Variants in DDHD1 observed in about 807,000 individuals in gnomAD.
DDHD1 encodes the protein DDHD domain containing 1, also known as phospholipase DDHD1.
In DDHD1, 49 loss-of-function variants were observed where a neutral mutation model predicts 96.4. The observed-to-expected ratio is 0.51, with a 90% CI of 0.40 to 0.64. DDHD1 has a LOEUF of 0.64. Ranked by LOEUF, DDHD1 falls within the 30% of genes least tolerant of loss-of-function variation. DDHD1 has a pLI of 0.00. For synonymous variants in DDHD1, 442 were observed against 446.5 expected, an observed-to-expected ratio of 0.99 and a Z score of 0.13; for missense variants, 1,106 against 1,161.2, an observed-to-expected ratio of 0.95 and a Z score of 0.69.
intron 1 of DDHD1, among the ~76,000 whole-genome samples, chr14:53,134,306 C>A (rs147131576): frequency 3.7e-4 from 56 of 152,298 alleles, no homozygotes; most frequent in Non-Finnish European, 6.9e-4. Context: ...TCTCCTGGTA[C>A]TATCCCCAAT....
intron 7 of DDHD1, among the ~76,000 whole-genome samples, chr14:53,061,583 A>AT (rs916741041): frequency 6.2e-4 from 93 of 149,268 alleles, no homozygotes; most frequent in Non-Finnish European, 1.1e-3. Context: ...ACCTACTTCA[A>AT]TTTTTTTTTT....
chr14:53,060,297 C>T (rs542303528), intron 8 of DDHD1, among the ~76,000 whole-genome samples: 1 of 152,326 alleles, frequency 6.6e-6, no homozygotes, highest in Non-Finnish European at 1.5e-5. Context: ...TCAATGCTGA[C>T]ACCTCTGCCA....
chr14:53,090,064 G>T (rs934104928), intron 4 of DDHD1, among the ~76,000 whole-genome samples: 3 of 152,154 alleles, frequency 2.0e-5, no homozygotes, highest in Admixed American at 2.0e-4. Flanking sequence ...GTAGGCAACG[G>T]ATATGAAGAG....
chr14:53,115,033 G>T (rs1240782853), intron 1 of DDHD1, among the ~76,000 whole-genome samples: 4 of 152,156 alleles, frequency 2.6e-5, no homozygotes, highest in Admixed American at 6.5e-5. Flanking sequence ...GAACATAAAT[G>T]ACCTGATGGA....
intron 11 of DDHD1, chr14:53,053,634 A>G (rs1882797519): frequency 1.3e-5 from 2 of 152,182 alleles, no homozygotes; most frequent in South Asian, 4.1e-4. Flanking sequence ...TCTGTTTAAA[A>G]ATTTCTAGAG....
At chr14:53,087,219 T>G (rs1302699910) in intron 4 of DDHD1, among the ~76,000 whole-genome samples, 1 of 151,966 alleles carries the variant, frequency 6.6e-6, no homozygotes, top group Non-Finnish European at 1.5e-5. Context: ...ATGGGAGACT[T>G]TAACAACCCA....
At chr14:53,140,246 T>C (rs1355703368) in intron 1 of DDHD1, among the ~76,000 whole-genome samples, 1 of 152,108 alleles carries the variant, frequency 6.6e-6, no homozygotes, top group African/African-American at 2.4e-5. Flanking sequence ...TCAAAAAGCT[T>C]AGAAAGGCCT....
intron 12 of DDHD1, among the ~76,000 whole-genome samples, chr14:53,051,392 G>A (rs1882552159): frequency 6.6e-6 from 1 of 151,922 alleles, no homozygotes; most frequent in African/African-American, 2.4e-5. Context: ...AAATATCTGT[G>A]TTGAAAGCAA....
At chr14:53,067,168 T>TA in intron 6 of DDHD1, among the ~76,000 whole-genome samples, 1 of 151,704 alleles carries the variant, frequency 6.6e-6, no homozygotes, top group South Asian at 2.1e-4. Flanking sequence ...TTTTTTTTTT[T>TA]TTTTAAATGA....
intron 6 of DDHD1, among the ~76,000 whole-genome samples, chr14:53,063,876 T>C (rs1294758171): frequency 6.6e-6 from 1 of 152,144 alleles, no homozygotes; most frequent in Non-Finnish European, 1.5e-5. Flanking sequence ...TAATTTTTCT[T>C]TGTAAAAGTG....
In DDHD1 at chr14:53,152,579, C is replaced by T; in HGVS notation, c.520G>A (p.Glu174Lys). The change falls in exon 1 of 13, where the codon GAG (glutamate) becomes AAG (lysine). Residue 174 changes from glutamate (E) to lysine (K), a missense_variant. By Grantham distance (56) the Glu-to-Lys change is moderately conservative. Around this residue, in one of 2 missense-constraint regions of DDHD1, gnomAD observed 456 missense variants for 402.4 expected, o/e 1.13. Transcript: ENST00000673822. The part of the protein sequence containing the change: ...GPEEVRWFYK[E>K]DKKTWKPFIG... ...AAGGGCTTCCAGGTCTTCTTGTCCTCCTTGTAGAACCAGCGTACCTCCTCC... is the reference window on the plus strand; with the variant it reads ...AAGGGCTTCCAGGTCTTCTTGTCCTTCTTGTAGAACCAGCGTACCTCCTCC... 1 of 1,613,916 alleles carries T rather than the reference C, an allele frequency of 6.2e-7. No homozygotes were observed. Among genetic ancestry groups the T allele is most frequent in the Non-Finnish European group, 8.5e-7 (1 of 1,179,946 alleles).
rs1408178357 is a variant in DDHD1, at chr14:53,091,899, T to C, written c.1175A>G (p.Tyr392Cys). ...SSSGTRLHRG[Y>C]VEEATLEDKP... ...GTCTTCTAATGTGGCTTCTTCTACATAACCTCTATGAAGTCTGGTACCACT... is the reference window on the plus strand; with the variant it reads ...GTCTTCTAATGTGGCTTCTTCTACACAACCTCTATGAAGTCTGGTACCACT... The change falls in exon 4 of 13, where the codon TAT becomes TGT. Residue 392 changes from tyrosine to cysteine, a missense_variant. This residue lies in a region of DDHD1 where 650 missense variants were observed against 758.8 expected (regional missense o/e 0.86). Coordinates refer to ENST00000673822, the MANE Select transcript of DDHD1 (RefSeq NM_001160148.2). 6.2e-7 allele frequency: 1 copy of C among 1,613,142 alleles called. No individual in the cohort carries two copies. Among genetic ancestry groups the C allele is most frequent in the Non-Finnish European group, 8.5e-7 (1 of 1,179,492 alleles).
intron 4 of DDHD1, among the ~76,000 whole-genome samples, chr14:53,079,794 C>T (rs983917577): frequency 1.3e-5 from 2 of 152,156 alleles, no homozygotes; most frequent in African/African-American, 4.8e-5. Flanking sequence ...CCATCTCTTA[C>T]TGATGAATAT....
chr14:53,129,972 G>A (rs369913714), intron 1 of DDHD1, among the ~76,000 whole-genome samples: 18 of 152,232 alleles, frequency 1.2e-4, no homozygotes, highest in Admixed American at 7.2e-4. Context: ...GTCTCTGCTC[G>A]CAATGCGACT....
chr14:53,148,632 T>C (rs754657722), intron 1 of DDHD1, among the ~76,000 whole-genome samples: 2 of 152,226 alleles, frequency 1.3e-5, no homozygotes, highest in Non-Finnish European at 2.9e-5. Context: ...TGAATTATTC[T>C]AAGCTCATGA....
rs1225847532 is a variant in DDHD1 at position 53,058,545 on chromosome 14, G to C, written c.1924C>G (p.Gln642Glu). 1.9e-6 allele frequency: 3 copies of C among 1,613,742 alleles called. No homozygotes were observed. Among genetic ancestry groups the C allele is most frequent in the Non-Finnish European group, 2.5e-6 (3 of 1,179,856 alleles). The stretch of plus-strand genomic sequence containing the variant: ...ATCTCTCTAGGCAAAATATGGTCTT[G>C]ACTTCCAGTATTTCCTGGGCGGATG... ...RGIRPGNTGS[Q>E]DHILPREICN... The change falls in exon 9 of 13, where the codon CAA becomes GAA. Residue 642 changes from glutamine to glutamate, a missense_variant. Coordinates refer to ENST00000673822, the MANE Select transcript of DDHD1 (RefSeq NM_001160148.2).
chr14:53,099,340 C>T (rs1446539857), intron 2 of DDHD1, among the ~76,000 whole-genome samples: 1 of 152,054 alleles, frequency 6.6e-6, no homozygotes, highest in East Asian at 1.9e-4. Flanking sequence ...CTAGTTTTTC[C>T]ACTAGTATCT....
Position 53,152,922 on chromosome 14 carries a change from C to A in DDHD1, c.177G>T (p.Leu59=). 1 of 1,606,892 alleles carries A rather than the reference C, an allele frequency of 6.2e-7. No individual in the cohort carries two copies. The highest frequency in any genetic ancestry group is 8.5e-7 in the Non-Finnish European group (1 of 1,177,486). Residue 59 remains leucine (L), a synonymous_variant, in exon 1 of 13, where the codon CTG becomes CTT. Transcript: ENST00000673822. The stretch of plus-strand genomic sequence containing the variant: ...CCAAATGCAGCCCGGGTTCCCCGCG[C>A]AGCAGGGCCAGGGGCACGTCGCCGT... ...PDDGDVPLAL[L]RGEPGLHLAP...
intron 1 of DDHD1, among the ~76,000 whole-genome samples, chr14:53,106,409 A>C (rs1214004620): frequency 6.6e-6 from 1 of 152,168 alleles, no homozygotes; most frequent in Admixed American, 6.5e-5. Flanking sequence ...CTGTAATCCC[A>C]GCATTCTGAG....
Sources: allele counts gnomAD v4.1 joint callset (sites outside exome capture counted in the v4.1 genomes callset), GRCh38; gene constraint gnomAD v4.1.1; regional missense constraint gnomAD v4.1.1; transcripts MANE v1.5; gene names NCBI Gene and HGNC (gene_info 2026-07-23, HGNC 2026-07-21).